FAT4: variants seen among roughly 807,000 people sequenced by gnomAD.
FAT4 encodes protocadherin Fat 4.
In FAT4, 84 loss-of-function variants were observed where a neutral mutation model predicts 303.9. That is an observed-to-expected ratio of 0.28 (90% confidence interval 0.23 to 0.33). The LOEUF is 0.33. Among genes scored for constraint, FAT4 ranks in the 10% least tolerant of loss-of-function variants. FAT4 has a pLI of 1.00. For missense variants in FAT4, 6,005 were observed against 6,146.8 expected, an observed-to-expected ratio of 0.98 and a Z score of 0.77; for synonymous variants, 2,307 against 2,298.8, an observed-to-expected ratio of 1.00 and a Z score of -0.10.
chr4:125,452,192 T>A lies in FAT4; in HGVS notation c.11182T>A (p.Leu3728Met). The change falls in exon 10 of 18, where the codon TTG becomes ATG. Residue 3728 changes from leucine (L) to methionine (M), a missense_variant. Coordinates refer to ENST00000394329, the MANE Select transcript of FAT4 (RefSeq NM_001291303.3). ...CGGCGTACCAACAGTAAAGGACTTC[T>A]TGACCAACCACTATCTTCATTTTTT... ...RLGVPTVKDF[L>M]TNHYLHFLRI... The A allele has an allele frequency of 1.2e-6, 2 of 1,614,254 alleles. No homozygotes were observed. The highest frequency in any genetic ancestry group is 1.7e-6 in the Non-Finnish European group (2 of 1,180,042).
chr4:125,476,352 T>C, intron 13 of FAT4, 96 bp downstream of exon 13: 1 of 499,130 alleles, frequency 2.0e-6, no homozygotes, highest in Admixed American at 3.8e-5. Context: ...AAGTAGTACA[T>C]AAAGCTTAAG....
At position 125,318,605 on chromosome 4, in the gene FAT4, G is replaced by A. The variant is rs1290423506; in HGVS notation, c.2194G>A (p.Asp732Asn). The A allele has an allele frequency of 6.2e-6, 10 of 1,613,998 alleles. No homozygotes were observed. Among genetic ancestry groups the A allele is most frequent in the Non-Finnish European group, 8.5e-6 (10 of 1,180,026 alleles). ...TGTCAAATATAGCATATCTGCTGGGGACAGGTCTCGGTTTCAGGTCAATGC... is the reference window on the plus strand; with the variant it reads ...TGTCAAATATAGCATATCTGCTGGGAACAGGTCTCGGTTTCAGGTCAATGC... ...GTVKYSISAG[D>N]RSRFQVNAQS... The change falls in exon 2 of 18, where the codon GAC (aspartate) becomes AAC (asparagine). Residue 732 changes from aspartate (D) to asparagine (N), a missense_variant. Coordinates refer to ENST00000394329, the MANE Select transcript of FAT4 (RefSeq NM_001291303.3).
chr4:125,436,377 G>A (rs756734390), intron 8 of FAT4, among the ~76,000 whole-genome samples: 1 of 152,084 alleles, frequency 6.6e-6, no homozygotes, highest in Non-Finnish European at 1.5e-5. Flanking sequence ...AGTTTCAAAT[G>A]ACTGTTACTC....
rs1295043368 is a variant in FAT4 at position 125,415,543 on chromosome 4, G to A, written c.6580G>A (p.Val2194Ile). Residue 2194 changes from valine to isoleucine, a missense_variant, in exon 6 of 18, where the codon GTT (valine) becomes ATT (isoleucine). By Grantham distance (29) the Val-to-Ile change is conservative. Coordinates refer to ENST00000394329, the MANE Select transcript of FAT4 (RefSeq NM_001291303.3). ...AAATGGACAGGTTCGCTATGGCATT[G>A]TTAATGGTAATACCAATCAGGAATT... ...GTNGQVRYGI[V>I]NGNTNQEFRI... 1.9e-6 allele frequency: 3 copies of A among 1,613,962 alleles called. No homozygotes were observed. The highest frequency in any genetic ancestry group is 2.5e-6 in the Non-Finnish European group (3 of 1,179,986).
rs562111917 is a variant in FAT4 at position 125,491,399 on chromosome 4, G to A, written c.14583G>A (p.Lys4861=). The A allele has an allele frequency of 2.5e-5, 41 of 1,614,114 alleles. No homozygotes were observed. The African/African-American group carries it at 4.9e-4, about 19-fold the overall frequency. Residue 4861 remains lysine, a synonymous_variant, in exon 18 of 18, where the codon AAG becomes AAA. Transcript: ENST00000394329. ...CAGAAATGGAATATGACAGGGAGAA[G>A]CCAATGGTATATACTTCCAGAATGC... ...TCSEMEYDRE[K]PMVYTSRMPK... is the part of the protein sequence containing the mutation.
intron 7 of FAT4, among the ~76,000 whole-genome samples, chr4:125,420,708 T>C (rs1274102320): frequency 1.3e-5 from 2 of 152,204 alleles, no homozygotes; most frequent in Non-Finnish European, 2.9e-5. Context: ...AAGCATTTTA[T>C]GGCTTTAATT....
chr4:125,403,256 A>C (rs1685437621), intron 3 of FAT4, among the ~76,000 whole-genome samples: 1 of 152,102 alleles, frequency 6.6e-6, no homozygotes, highest in African/African-American at 2.4e-5. Context: ...CAGATGAGGA[A>C]ACATGGGCTT....
At chr4:125,392,217 A>C (rs1038375282) in intron 2 of FAT4, among the ~76,000 whole-genome samples, 12 of 152,188 alleles carry the variant, frequency 7.9e-5, no homozygotes, top group African/African-American at 2.9e-4. Context: ...ATCTTTAGAG[A>C]TAACACTTGT....
chr4:125,447,178 G>C (rs1725855537), intron 9 of FAT4, among the ~76,000 whole-genome samples: 1 of 151,856 alleles, frequency 6.6e-6, no homozygotes. Flanking sequence ...TTTGACATTT[G>C]CTAAGAAAGG....
intron 11 of FAT4, among the ~76,000 whole-genome samples, chr4:125,464,158 T>C (rs1314607969): frequency 6.6e-6 from 1 of 152,226 alleles, no homozygotes; most frequent in Non-Finnish European, 1.5e-5. Context: ...TTAGTAACTA[T>C]ACCTGACGTT....
Position 125,491,910 on chromosome 4 carries a change from A to C in FAT4, c.*142A>C, listed in dbSNP as rs185239538. ...AGGGAAAACTTTAAAAATAATAACC[A>C]CAATGCTGCTGAAACAGACTCACAA... On this transcript the variant is annotated 3_prime_UTR_variant, in exon 18 of 18. Transcript: ENST00000394329. 4.4e-4 allele frequency: 340 copies of C among 768,764 alleles called. 2 individuals carry two copies. In the East Asian group the frequency reaches 6.2e-3, roughly 14 times the overall value. 47.6% of individuals were successfully genotyped at this position (768,764 alleles called of 1,614,324 possible). A position where few individuals can be genotyped will look rare whatever the true frequency, so the allele number is the denominator to read the frequency against.
chr4:125,478,364 A>G (rs1244632461), intron 14 of FAT4, among the ~76,000 whole-genome samples: 5 of 152,148 alleles, frequency 3.3e-5, no homozygotes, highest in Admixed American at 6.5e-5. Flanking sequence ...ATCCTTTTAT[A>G]TCTCCGTGTT....
chr4:125,440,625 G>GAGAGAGAA (rs1725628639), intron 8 of FAT4, among the ~76,000 whole-genome samples: 1 of 146,962 alleles, frequency 6.8e-6, no homozygotes, highest in Non-Finnish European at 1.5e-5. Flanking sequence ...GAGAGAGAGA[G>GAGAGAGAA]AGAGAGAGAG....
At chr4:125,487,233 C>T (rs781411043) in intron 16 of FAT4, 112 bp from the exon 17 acceptor site, 35 of 858,816 alleles carry the variant, frequency 4.1e-5, no homozygotes, top group Non-Finnish European at 6.1e-5. Context: ...CCAGATTCTT[C>T]AGCTATTCTA....
At position 125,451,816 on chromosome 4, in the gene FAT4, G is replaced by C. The variant is rs1459274517; in HGVS notation, c.10806G>C (p.Val3602=). The change falls in exon 10 of 18, where the codon GTG becomes GTC. Residue 3602 remains valine (V), a synonymous_variant. Transcript: ENST00000394329. ...GVPQMSSTGT[V]HITVIDQNDN... ...CTCAAATGTCTTCCACAGGAACTGT[G>C]CATATCACAGTTATAGACCAAAATG... is the stretch of plus-strand genomic sequence containing the variant. 6.2e-7 allele frequency: 1 copy of C among 1,614,112 alleles called. No individual in the cohort carries two copies. The highest frequency in any genetic ancestry group is 1.3e-5 in the African/African-American group (1 of 75,032).
At chr4:125,370,508 G>A (rs908664621) in intron 2 of FAT4, among the ~76,000 whole-genome samples, 1 of 152,156 alleles carries the variant, frequency 6.6e-6, no homozygotes, top group Admixed American at 6.5e-5. Flanking sequence ...GCCATAGGAA[G>A]CACATACATA....
chr4:125,444,959 C>T (rs561434987), intron 8 of FAT4, among the ~76,000 whole-genome samples: 7 of 152,064 alleles, frequency 4.6e-5, no homozygotes, highest in African/African-American at 1.4e-4. Flanking sequence ...ATGTATAAAA[C>T]TTGATATTTA....
chr4:125,373,405 G>A (rs942248126), intron 2 of FAT4, among the ~76,000 whole-genome samples: 1 of 152,064 alleles, frequency 6.6e-6, no homozygotes, highest in Non-Finnish European at 1.5e-5. Context: ...TAAAGGAAAT[G>A]TAGAGATCAG....
chr4:125,360,937 T>G (rs1732636277), intron 2 of FAT4, among the ~76,000 whole-genome samples: 1 of 146,600 alleles, frequency 6.8e-6, no homozygotes, highest in Admixed American at 6.8e-5. Flanking sequence ...TTATTTATTT[T>G]ATTATTTTTA....
Sources: allele counts gnomAD v4.1 joint callset (sites outside exome capture counted in the v4.1 genomes callset), GRCh38; gene constraint gnomAD v4.1.1; transcripts MANE v1.5; gene names NCBI Gene and HGNC (gene_info 2026-07-23, HGNC 2026-07-21).